Variants in ZNF804A observed in about 807,000 individuals in gnomAD.
ZNF804A encodes the protein zinc finger protein 804A.
Under a neutral mutation model 16.5 loss-of-function variants are expected in ZNF804A, and 2 were observed. That is an observed-to-expected ratio of 0.12 (90% CI 0.05 to 0.38). The LOEUF (loss-of-function observed/expected upper bound fraction) is 0.38, where lower values mean the gene tolerates loss of function less well. Among genes scored for constraint, ZNF804A ranks in the 10% least tolerant of loss-of-function variants. The pLI is 0.99. For missense variants in ZNF804A, 1,473 were observed against 1,390.7 expected, an observed-to-expected ratio of 1.06 and a Z score of -0.94; for synonymous variants, 534 against 489.6, an observed-to-expected ratio of 1.09 and a Z score of -1.20.
At chr2:184,933,235 A>G (rs1470481396) in intron 2 of ZNF804A, among the ~76,000 whole-genome samples, 1 of 152,294 alleles carries the variant, frequency 6.6e-6, no homozygotes, top group East Asian at 1.9e-4. Flanking sequence ...TATATATAAC[A>G]GAAATACATA....
At chr2:184,724,648 G>A (rs1269698049) in intron 1 of ZNF804A, among the ~76,000 whole-genome samples, 1 of 151,698 alleles carries the variant, frequency 6.6e-6, no homozygotes, top group African/African-American at 2.4e-5. Flanking sequence ...CCCAGATCTT[G>A]TGCTGATGTC....
chr2:184,693,799 A>G (rs962201005), intron 1 of ZNF804A, among the ~76,000 whole-genome samples: 1 of 151,830 alleles, frequency 6.6e-6, no homozygotes, highest in Non-Finnish European at 1.5e-5. Context: ...GCTTTGCTCC[A>G]TATAATGTCA....
chr2:184,845,935 A>G (rs1055017807), intron 1 of ZNF804A, among the ~76,000 whole-genome samples: 2 of 152,128 alleles, frequency 1.3e-5, no homozygotes, highest in African/African-American at 4.8e-5. Context: ...CCAGATGAAC[A>G]GTTCTTAGTT....
chr2:184,824,864 C>CT (rs998884611), intron 1 of ZNF804A, among the ~76,000 whole-genome samples: 3 of 148,240 alleles, frequency 2.0e-5, no homozygotes, highest in East Asian at 1.9e-4. Flanking sequence ...CTGTAAGAGG[C>CT]TTTTTTTTCA....
At chr2:184,829,493 A>T (rs577970093) in intron 1 of ZNF804A, among the ~76,000 whole-genome samples, 124 of 152,036 alleles carry the variant, frequency 8.2e-4, no homozygotes, top group African/African-American at 2.9e-3. Context: ...TTTTCAGGAC[A>T]ATACCTTACA....
intron 1 of ZNF804A, among the ~76,000 whole-genome samples, chr2:184,830,288 C>A (rs897780178): frequency 2.6e-5 from 4 of 151,998 alleles, no homozygotes; most frequent in African/African-American, 9.7e-5. Context: ...ATTAAATGGA[C>A]AGAAATACAC....
intron 1 of ZNF804A, among the ~76,000 whole-genome samples, chr2:184,776,930 T>C (rs1694297988): frequency 6.6e-6 from 1 of 151,592 alleles, no homozygotes; most frequent in Non-Finnish European, 1.5e-5. Context: ...TTTATCTTTT[T>C]AAAAATTATA....
intron 1 of ZNF804A, among the ~76,000 whole-genome samples, chr2:184,606,809 TTAAAA>T (rs1425184706): frequency 2.0e-5 from 3 of 150,300 alleles, no homozygotes; most frequent in Non-Finnish European, 2.9e-5. Flanking sequence ...AGTCAGTTTG[TTAAAA>T]TAAATCATAG....
intron 1 of ZNF804A, among the ~76,000 whole-genome samples, chr2:184,802,233 T>A (rs573657034): frequency 6.6e-6 from 1 of 152,286 alleles, no homozygotes; most frequent in South Asian, 2.1e-4. Flanking sequence ...TCATCTCACT[T>A]AGGAGAGACA....
intron 1 of ZNF804A, among the ~76,000 whole-genome samples, chr2:184,855,358 T>C (rs900260504): frequency 6.6e-6 from 1 of 152,076 alleles, no homozygotes; most frequent in Non-Finnish European, 1.5e-5. Flanking sequence ...TCACAAACCT[T>C]TGTTTTCAAT....
At chr2:184,834,716 C>G (rs1011480567) in intron 1 of ZNF804A, among the ~76,000 whole-genome samples, 5 of 152,010 alleles carry the variant, frequency 3.3e-5, no homozygotes, top group African/African-American at 1.2e-4. Context: ...TTATCTGAAG[C>G]CTGAGGTGAA....
intron 2 of ZNF804A, among the ~76,000 whole-genome samples, chr2:184,917,745 A>G (rs748617078): frequency 2.0e-5 from 3 of 151,744 alleles, no homozygotes; most frequent in Non-Finnish European, 2.9e-5. Context: ...TTAGGCATCC[A>G]CTGGGGCTTT....
At chr2:184,699,864 A>AACGGTAGGAAATGCCTAGAGCT (rs1458073941) in intron 1 of ZNF804A, among the ~76,000 whole-genome samples, 1 of 152,040 alleles carries the variant, frequency 6.6e-6, no homozygotes, top group Non-Finnish European at 1.5e-5. Flanking sequence ...GAGTTGGAGA[A>AACGGTAGGAAATGCCTAGAGCT]ACGGTAGGAA....
chr2:184,657,786 T>C (rs942788370), intron 1 of ZNF804A, among the ~76,000 whole-genome samples: 2 of 152,158 alleles, frequency 1.3e-5, no homozygotes, highest in African/African-American at 4.8e-5. Flanking sequence ...TTATAAGCAA[T>C]TGGACTATTT....
intron 1 of ZNF804A, among the ~76,000 whole-genome samples, chr2:184,655,317 T>C (rs1175585530): frequency 6.6e-6 from 1 of 152,180 alleles, no homozygotes; most frequent in African/African-American, 2.4e-5. Flanking sequence ...GCAGAAGGTA[T>C]TGGTCTGAGA....
At chr2:184,644,334 G>A (rs2105695865) in intron 1 of ZNF804A, among the ~76,000 whole-genome samples, 1 of 151,678 alleles carries the variant, frequency 6.6e-6, no homozygotes, top group Middle Eastern at 3.4e-3. Context: ...TATAACCCAT[G>A]CAGAAGCAAC....
intron 1 of ZNF804A, among the ~76,000 whole-genome samples, chr2:184,600,846 T>A (rs994976796): frequency 7.9e-5 from 12 of 152,168 alleles, no homozygotes; most frequent in Non-Finnish European, 1.6e-4. Context: ...CTTCATGACT[T>A]ACATTTGCAA....
intron 1 of ZNF804A, among the ~76,000 whole-genome samples, chr2:184,765,611 C>CCA (rs1694111147): frequency 6.8e-6 from 1 of 146,388 alleles, no homozygotes; most frequent in African/African-American, 2.6e-5. Context: ...ATGCACCCCC[C>CCA]CCCCTTAGAG....
chr2:184,636,540 G>C, intron 1 of ZNF804A, among the ~76,000 whole-genome samples: 1 of 90,420 alleles, frequency 1.1e-5, no homozygotes, highest in Non-Finnish European at 2.1e-5. Flanking sequence ...TGTGAGATTG[G>C]CTCTAGGGCT....
Sources: allele counts gnomAD v4.1 joint callset (sites outside exome capture counted in the v4.1 genomes callset), GRCh38; gene constraint gnomAD v4.1.1; transcripts MANE v1.5; gene names NCBI Gene and HGNC (gene_info 2026-07-23, HGNC 2026-07-21).